The following CUX1 variants were observed in gnomAD, a reference collection of about 807,000 sequenced individuals.
CUX1 encodes protein CASP.
Under a neutral mutation model 158.8 loss-of-function variants are expected in CUX1, and 31 were observed. The ratio of observed to expected loss-of-function variants is 0.20; its 90% CI spans 0.15 to 0.26. The LOEUF (loss-of-function observed/expected upper bound fraction) is 0.26, where lower values mean the gene tolerates loss of function less well. Ranked by LOEUF, CUX1 falls within the 10% of genes least tolerant of loss-of-function variation. CUX1 has a pLI of 1.00. For missense variants in CUX1, 1,589 were observed against 2,014.6 expected (o/e 0.79, Z 4.04); for synonymous variants, 879 against 862.1 (o/e 1.02, Z -0.34).
intron 2 of CUX1, among the ~76,000 whole-genome samples, chr7:101,974,459 C>T (rs905368133): frequency 5.9e-5 from 9 of 152,134 alleles, no homozygotes; most frequent in African/African-American, 9.7e-5. Flanking sequence ...AACTAGGAAA[C>T]GAGAGCTTTT....
intron 2 of CUX1, among the ~76,000 whole-genome samples, chr7:101,944,015 A>G (rs1808059611): frequency 6.6e-6 from 1 of 151,854 alleles, no homozygotes; most frequent in South Asian, 2.1e-4. Flanking sequence ...GTTCTTGCCA[A>G]AGCCTCTATT....
rs1801803191 is a variant in CUX1 at position 102,254,001 on chromosome 7, G to C, written c.*4959G>C. 1.0e-6 allele frequency: 1 copy of C among 985,384 alleles called. No individual in the cohort carries two copies. Among genetic ancestry groups the C allele is most frequent in the Admixed American group, 6.1e-5 (1 of 16,264 alleles). 61.0% of individuals were successfully genotyped at this position (985,384 alleles called of 1,614,324 possible). ...ACCCCACAGAACTGTGAGGCACGTGGGCTGGAGAGAGCAGAAAAGCTGCCA... is the reference window on the plus strand; with the variant it reads ...ACCCCACAGAACTGTGAGGCACGTGCGCTGGAGAGAGCAGAAAAGCTGCCA... On this transcript the variant is annotated 3_prime_UTR_variant, in exon 24 of 24. Transcript: ENST00000292535.
chr7:102,045,493 C>T (rs1822650090), intron 3 of CUX1, among the ~76,000 whole-genome samples: 2 of 152,356 alleles, frequency 1.3e-5, no homozygotes, highest in East Asian at 1.9e-4. Flanking sequence ...AAGTTAACCT[C>T]TTAAAGACCC....
chr7:101,895,921 T>G (rs1801457092), intron 1 of CUX1, among the ~76,000 whole-genome samples: 1 of 125,228 alleles, frequency 8.0e-6, no homozygotes, highest in African/African-American at 3.2e-5. Flanking sequence ...TTTTTTTTTT[T>G]TTTTTGGAGA....
At chr7:102,193,913 C>G (rs1794532226) in intron 13 of CUX1, 23 bp downstream of exon 13, 1 of 1,612,804 alleles carries the variant, frequency 6.2e-7, no homozygotes, top group Non-Finnish European at 8.5e-7. Context: ...CCTCAATGGT[C>G]AGCACTAGCA....
In CUX1 at chr7:102,148,477, A is replaced by C. The variant is rs60482233; in HGVS notation, c.675-10083A>C. Among the ~76,000 whole-genome samples the C allele has an allele frequency of 1.7e-3, 265 of 152,214 alleles. 1 individual carries two copies. The highest frequency in any genetic ancestry group is 6.1e-3 in the African/African-American group (255 of 41,552). On this transcript the variant is annotated intron_variant, in intron 8 of 23. Coordinates refer to ENST00000292535, the MANE Select transcript of CUX1 (RefSeq NM_181552.4). The stretch of plus-strand genomic sequence containing the variant: ...AGAATCACTTGAACCCCGAAGGCAG[A>C]GGTTGCAGTGAGCTGAGATTGCACC...
At chr7:102,058,613 C>T (rs1259237607) in intron 3 of CUX1, among the ~76,000 whole-genome samples, 1 of 152,106 alleles carries the variant, frequency 6.6e-6, no homozygotes, top group Non-Finnish European at 1.5e-5. Context: ...GGTCTGGAAC[C>T]AAACCTGCAT....
At chr7:102,171,322 G>A (rs1037390090) in intron 10 of CUX1, among the ~76,000 whole-genome samples, 4 of 152,096 alleles carry the variant, frequency 2.6e-5, no homozygotes, top group African/African-American at 7.2e-5. Flanking sequence ...GGGTTGGTGC[G>A]AAAGTTATTA....
intron 4 of CUX1, among the ~76,000 whole-genome samples, chr7:102,077,419 G>C (rs577728290): frequency 2.1e-4 from 32 of 151,532 alleles, no homozygotes; most frequent in African/African-American, 7.7e-4. Flanking sequence ...ATCGGGCGCA[G>C]TGGCTTACTC....
chr7:102,130,331 C>T (rs1490132502), intron 8 of CUX1, among the ~76,000 whole-genome samples: 4 of 152,172 alleles, frequency 2.6e-5, no homozygotes, highest in East Asian at 3.9e-4. Context: ...TTAACCCCCA[C>T]ATGACCACAG....
intron 10 of CUX1, among the ~76,000 whole-genome samples, chr7:102,171,316 TG>T (rs571095133): frequency 6.6e-6 from 1 of 152,244 alleles, no homozygotes; most frequent in East Asian, 1.9e-4. Flanking sequence ...ACTGGGGGGT[TG>T]GTGCGAAAGT....
chr7:101,993,452 G>A (rs1480809458), intron 2 of CUX1, among the ~76,000 whole-genome samples: 1 of 152,238 alleles, frequency 6.6e-6, no homozygotes, highest in Admixed American at 6.5e-5. Context: ...CTGATGGGGG[G>A]TGGGAGTATG....
chr7:101,988,084 T>A (rs577697517), intron 2 of CUX1, among the ~76,000 whole-genome samples: 1 of 152,088 alleles, frequency 6.6e-6, no homozygotes. Context: ...TGGTGGCGCA[T>A]GCCTGTAATC....
intron 20 of CUX1, among the ~76,000 whole-genome samples, chr7:102,207,722 G>T (rs1200607239): frequency 6.6e-6 from 1 of 152,210 alleles, no homozygotes; most frequent in African/African-American, 2.4e-5. Flanking sequence ...AAAGTGCTGG[G>T]ATTACAGGTG....
intron 3 of CUX1, among the ~76,000 whole-genome samples, chr7:102,030,692 T>TTTTTTTTTTTTGTTTTTTGTTTTTTG (rs1554459496): frequency 1.6e-5 from 1 of 62,416 alleles, no homozygotes. Flanking sequence ...TTAAAAAGTG[T>TTTTTTTTTTTTGTTTTTTGTTTTTTG]TTTTTTTTTT....
chr7:102,054,992 G>A (rs545602794), intron 3 of CUX1, among the ~76,000 whole-genome samples: 1 of 151,584 alleles, frequency 6.6e-6, no homozygotes, highest in East Asian at 1.9e-4. Context: ...AAGCCAGCTG[G>A]AATTTTGATA....
chr7:102,265,977 G>C (rs986238721), intron 14 of CUX1, among the ~76,000 whole-genome samples: 1 of 152,144 alleles, frequency 6.6e-6, no homozygotes, highest in African/African-American at 2.4e-5. Context: ...GCCGAGGTGG[G>C]TGGGTCACTT....
Position 102,170,534 on chromosome 7 carries a change from A to G in CUX1, c.812A>G (p.Gln271Arg). 1.3e-6 allele frequency: 2 copies of G among 1,582,274 alleles called. No homozygotes were observed. The highest frequency in any genetic ancestry group is 1.7e-6 in the Non-Finnish European group (2 of 1,163,734). The change falls in exon 10 of 24, where the codon CAG becomes CGG. Residue 271 changes from glutamine to arginine, a missense_variant. By Grantham distance (43) the Gln-to-Arg change is conservative. Around this residue, in one of 8 missense-constraint regions of CUX1, gnomAD observed 515 missense variants for 574.4 expected, o/e 0.90. Transcript: ENST00000292535. Reference sequence around the variant, plus strand: ...TCCCTCCAGCTGGCCTCACAGATCCAGAAGGCACCAGACGTGGTGGGTAGC... The same window carrying G: ...TCCCTCCAGCTGGCCTCACAGATCCGGAAGGCACCAGACGTGGTGGGTAGC... ...NHSLQLASQI[Q>R]KAPDVEQAIE... is the part of the protein sequence containing the mutation.
chr7:102,240,911 C>G (rs1446278047), intron 23 of CUX1, among the ~76,000 whole-genome samples: 1 of 152,160 alleles, frequency 6.6e-6, no homozygotes, highest in Non-Finnish European at 1.5e-5. Flanking sequence ...GCCTCCTTCT[C>G]CCAGGTTCAA....
Sources: gnomAD v4.1 joint callset for allele counts (sites outside exome capture counted in the v4.1 genomes callset) on GRCh38, gnomAD v4.1.1 for gene constraint, gnomAD v4.1.1 regional missense constraint, MANE v1.5 for transcripts, NCBI Gene and HGNC (gene_info 2026-07-23, HGNC 2026-07-21) for gene names.